The following MYO16 variants were observed in gnomAD, a reference collection of about 807,000 sequenced individuals.
MYO16 encodes the protein myosin XVI, also known as unconventional myosin-XVI.
MYO16 carries 94 observed loss-of-function variants against 205.3 expected under a neutral mutation model. That is an observed-to-expected ratio of 0.46 (90% CI 0.39 to 0.54). The LOEUF (loss-of-function observed/expected upper bound fraction) is 0.54, where lower values mean the gene tolerates loss of function less well. Among genes scored for constraint, MYO16 ranks in the 20% least tolerant of loss-of-function variants. MYO16 has a pLI of 0.00. For missense variants in MYO16, 2,315 were observed against 2,387.5 expected (o/e 0.97, Z 0.63); for synonymous variants, 988 against 954.0 (o/e 1.04, Z -0.66).
intron 23 of MYO16, among the ~76,000 whole-genome samples, chr13:109,033,289 A>G (rs1037340607): frequency 2.0e-5 from 3 of 152,122 alleles, no homozygotes; most frequent in African/African-American, 4.8e-5. Flanking sequence ...TCTGTGCACA[A>G]TACTCATTTT....
chr13:108,856,348 C>T (rs916212295), intron 11 of MYO16, among the ~76,000 whole-genome samples: 1 of 152,130 alleles, frequency 6.6e-6, no homozygotes, highest in Non-Finnish European at 1.5e-5. Context: ...TACTGAGGAA[C>T]TGATTAAGTA....
rs181192543 is a variant in MYO16 at position 109,123,728 on chromosome 13, T to C, written c.3536-1384T>C. ...GCTTTCAGCATTTCAGATATCCACATATTATTTTCCTGTTCAGCCATCATA... is the reference window on the plus strand; with the variant it reads ...GCTTTCAGCATTTCAGATATCCACACATTATTTTCCTGTTCAGCCATCATA... On this transcript the variant is annotated intron_variant, in intron 29 of 34. Transcript: ENST00000457511. Among the ~76,000 whole-genome samples the C allele has an allele frequency of 8.0e-4, 122 of 152,352 alleles. 1 individual carries two copies. Among genetic ancestry groups the C allele is most frequent in the Non-Finnish European group, 1.8e-4 (12 of 68,042 alleles).
chr13:108,621,630 G>A (rs149353514), intron 1 of MYO16, among the ~76,000 whole-genome samples: 141 of 152,144 alleles, frequency 9.3e-4, no homozygotes, highest in Non-Finnish European at 1.5e-3. Context: ...CGACATTGTC[G>A]TGGCTCAGTG....
chr13:108,866,269 G>A lies in MYO16; in HGVS notation c.1425+27G>A, dbSNP rs769613264. 3.5e-6 allele frequency: 5 copies of A among 1,433,904 alleles called. No individual in the cohort carries two copies. In the Admixed American group the frequency reaches 8.7e-5, roughly 25 times the overall value. The allele number at this position is 1,433,904 out of a possible 1,614,324, so 88.8% of individuals were successfully genotyped here. ...TGAGCACAAAATTTTAAATATCATT[G>A]AATAATGTAGAGTAATACTTTCTAG... On this transcript the variant is annotated intron_variant, in intron 12 of 34. Transcript: ENST00000457511.
At chr13:108,625,578 T>G (rs185260190), upstream of MYO16, among the ~76,000 whole-genome samples, 28 of 152,308 alleles carry the variant, frequency 1.8e-4, no homozygotes, top group African/African-American at 6.0e-4. Flanking sequence ...TAGAGGAAAT[T>G]ATAAATTTAG....
chr13:108,583,445 G>A, the MYO16 span, among the ~76,000 whole-genome samples: 1 of 152,072 alleles, frequency 6.6e-6, no homozygotes. Flanking sequence ...TATGCTTTTG[G>A]GTTGCTAACA....
intron 20 of MYO16, among the ~76,000 whole-genome samples, chr13:108,986,259 G>A (rs1884630285): frequency 6.6e-6 from 1 of 152,060 alleles, no homozygotes; most frequent in African/African-American, 2.4e-5. Context: ...CCATATCAAG[G>A]TAGAACATAG....
intron 20 of MYO16, among the ~76,000 whole-genome samples, chr13:108,972,450 G>A (rs1440619458): frequency 8.1e-6 from 1 of 123,738 alleles, no homozygotes; most frequent in African/African-American, 3.1e-5. Flanking sequence ...ATGGGGAAGG[G>A]GAGAGTTGTA....
Position 108,883,160 on chromosome 13 carries a change from A to G in MYO16, c.1527A>G (p.Glu509=). The change falls in exon 13 of 35, where the codon GAA becomes GAG. Residue 509 remains glutamate, a synonymous_variant. Coordinates refer to ENST00000457511, the MANE Select transcript of MYO16 (RefSeq NM_001198950.3). ...VERAFHQLFR[E]QRPQCFILSG... ...GAGCCTTTCACCAGCTCTTCCGGGA[A>G]CAGCGGCCTCAGTGTTTCATCCTCA... 1 of 1,613,930 alleles carries G rather than the reference A, an allele frequency of 6.2e-7. No individual in the cohort carries two copies.
intron 2 of MYO16, among the ~76,000 whole-genome samples, chr13:108,673,807 T>C (rs1473467110): frequency 1.3e-5 from 2 of 152,148 alleles, no homozygotes; most frequent in Non-Finnish European, 2.9e-5. Context: ...CCTTTATTAA[T>C]TGTCGTGTTC....
Position 108,597,075 on chromosome 13 carries a change from C to G in MYO16, c.-39+836C>G, listed in dbSNP as rs79372099. On this transcript the variant is annotated intron_variant, in intron 1 of 24. Transcript: ENST00000251041. ...CCTGAAACTATATACATCTATTATG[C>G]ATCAATACAAATTGTTTAAGTTAAA... Among the ~76,000 whole-genome samples the G allele has an allele frequency of 1.7e-3, 260 of 152,240 alleles. 1 individual carries two copies. The highest frequency in any genetic ancestry group is 6.1e-3 in the African/African-American group (252 of 41,554).
Position 109,055,822 on chromosome 13 carries a change from C to T in MYO16, c.3335+227C>T. Reference sequence around the variant, plus strand: ...GTACTGAGGACAGTATCTTGGAAACCATTCTCATGTTCCTTTCAAAGTGTG... The same window carrying T: ...GTACTGAGGACAGTATCTTGGAAACTATTCTCATGTTCCTTTCAAAGTGTG... On this transcript the variant is annotated intron_variant, in intron 27 of 34. Transcript: ENST00000457511. This position sits in a 1 kb window ranked among gnomAD's most constrained non-coding sequence, Gnocchi z 5.0. The T allele has an allele frequency of 2.4e-6, 1 of 422,514 alleles. No homozygotes were observed. Among genetic ancestry groups the T allele is most frequent in the Non-Finnish European group, 4.2e-6 (1 of 236,726 alleles). The allele number at this position is 422,514 out of a possible 1,614,324, so 26.2% of individuals were successfully genotyped here. A position where few individuals can be genotyped will look rare whatever the true frequency, so the allele number is the denominator to read the frequency against.
chr13:108,768,635 A>G (rs1458437933), intron 4 of MYO16, among the ~76,000 whole-genome samples: 1 of 152,222 alleles, frequency 6.6e-6, no homozygotes. Flanking sequence ...GGACACAGAC[A>G]TAGTGTAAAA....
the MYO16 span, among the ~76,000 whole-genome samples, chr13:108,568,660 C>T: frequency 6.6e-6 from 1 of 152,010 alleles, no homozygotes; most frequent in Non-Finnish European, 1.5e-5. Flanking sequence ...GTTTTATCAA[C>T]TCCATGACAA....
chr13:108,792,747 G>A (rs1434360383), intron 5 of MYO16, among the ~76,000 whole-genome samples: 1 of 151,928 alleles, frequency 6.6e-6, no homozygotes, highest in Non-Finnish European at 1.5e-5. Flanking sequence ...CTTGCCCTCA[G>A]GTGATCTGCC....
chr13:108,599,870 A>G (rs1293910379), intron 1 of MYO16, among the ~76,000 whole-genome samples: 1 of 152,182 alleles, frequency 6.6e-6, no homozygotes, highest in Non-Finnish European at 1.5e-5. Flanking sequence ...ACAGGCATGG[A>G]AAGAAAAGTA....
At chr13:108,924,836 C>A (rs1425300472) in intron 16 of MYO16, among the ~76,000 whole-genome samples, 5 of 152,144 alleles carry the variant, frequency 3.3e-5, no homozygotes, top group Non-Finnish European at 7.3e-5. Context: ...GTTGCCGCAC[C>A]CTGACGTATT....
At chr13:108,559,475 T>TC in the MYO16 span, among the ~76,000 whole-genome samples, 1,718 of 127,444 alleles carry the variant, frequency 0.013, 20 homozygotes, top group Middle Eastern at 0.039. Context: ...CTTTTCTTTT[T>TC]TTTTTTTTTT....
rs549593383 is a variant in MYO16 at position 108,657,013 on chromosome 13, A to C, written c.29-8873A>C. Among the ~76,000 whole-genome samples the C allele has an allele frequency of 3.5e-4, 54 of 152,332 alleles. 1 individual carries two copies. The Middle Eastern group carries it at 0.014, about 38-fold the overall frequency. ...CATCCCTCTAAGAGGCTCACCTAAGAAGGCACATACGCCTGCTGCAGCTGA... is the reference window on the plus strand; with the variant it reads ...CATCCCTCTAAGAGGCTCACCTAAGCAGGCACATACGCCTGCTGCAGCTGA... On this transcript the variant is annotated intron_variant, in intron 1 of 34. Transcript: ENST00000457511.
Sources: gnomAD v4.1 joint callset for allele counts (sites outside exome capture counted in the v4.1 genomes callset) on GRCh38, gnomAD v4.1.1 for gene constraint, Gnocchi (gnomAD v3.1) non-coding constraint, MANE v1.5 for transcripts, NCBI Gene and HGNC (gene_info 2026-07-23, HGNC 2026-07-21) for gene names.